CELF1: variants seen among roughly 807,000 people sequenced by gnomAD.
The protein encoded by CELF1 is CUGBP Elav-like family member 1, also known as 50 kDa nuclear polyadenylated RNA-binding protein.
Under a neutral mutation model 61.8 loss-of-function variants are expected in CELF1, and 10 were observed. The ratio of observed to expected loss-of-function variants is 0.16; its 90% CI spans 0.10 to 0.27. CELF1 has a LOEUF of 0.27. CELF1 is among the 10% of genes least tolerant of loss of function. The pLI is 1.00. For missense variants in CELF1, 380 were observed against 639.1 expected (o/e 0.59, Z 4.37); for synonymous variants, 236 against 225.1 (o/e 1.05, Z -0.43).
chr11:47,501,663 A>T (rs1000300001), intron 1 of CELF1, among the ~76,000 whole-genome samples: 17 of 145,226 alleles, frequency 1.2e-4, no homozygotes, highest in East Asian at 9.8e-4. Flanking sequence ...AAAAAATATC[A>T]AAAAAAAAAA....
intron 1 of CELF1, among the ~76,000 whole-genome samples, chr11:47,528,928 TTTA>T (rs911641737): frequency 2.3e-4 from 35 of 151,916 alleles, no homozygotes; most frequent in Non-Finnish European, 3.2e-4. Context: ...AGCTTTTACT[TTTA>T]TATCTGTCTC....
At chr11:47,475,145 A>G (rs1404340022) in intron 13 of CELF1, among the ~76,000 whole-genome samples, 191 bp downstream of exon 13, 1 of 152,228 alleles carries the variant, frequency 6.6e-6, no homozygotes, top group Non-Finnish European at 1.5e-5. Context: ...TTCTGATTTG[A>G]GCCACATCCA....
intron 1 of CELF1, among the ~76,000 whole-genome samples, chr11:47,515,919 C>T (rs1006795905): frequency 1.7e-4 from 26 of 152,146 alleles, no homozygotes; most frequent in African/African-American, 6.0e-4. Context: ...TTATTATTTA[C>T]TTATTTATTT....
chr11:47,550,287 T>G (rs1315813385), intron 1 of CELF1, among the ~76,000 whole-genome samples: 2 of 151,516 alleles, frequency 1.3e-5, no homozygotes, highest in African/African-American at 4.8e-5. Flanking sequence ...TCCTAGTACT[T>G]TGGGAGGCTG....
At chr11:47,487,725 T>C (rs553163165) in intron 4 of CELF1, among the ~76,000 whole-genome samples, 41 of 152,376 alleles carry the variant, frequency 2.7e-4, no homozygotes, top group South Asian at 6.2e-4. Flanking sequence ...ACTTATTAAA[T>C]TATAAAATGA....
intron 4 of CELF1, 27 bp from the exon 5 acceptor site, chr11:47,487,268 C>A: frequency 1.3e-6 from 2 of 1,571,984 alleles, no homozygotes; most frequent in South Asian, 2.2e-5. Flanking sequence ...TTCATAAAAT[C>A]AAACTTTGGA....
At position 47,469,043 on chromosome 11, in the gene CELF1, T is replaced by C. The variant is rs999991162; in HGVS notation, c.*3187A>G. ...GGGGTTGGGTAATGACAGGGAACTT[T>C]TGCACATGCTAACAATGGACACAGG... On this transcript the variant is annotated 3_prime_UTR_variant, in exon 15 of 15. Coordinates refer to ENST00000687097, the MANE Select transcript of CELF1 (RefSeq NM_001376376.1). The C allele has an allele frequency of 6.6e-6, 1 of 152,204 alleles. No individual in the cohort carries two copies. Among genetic ancestry groups the C allele is most frequent in the African/African-American group, 2.4e-5 (1 of 41,420 alleles). The allele number at this position is 152,204 out of a possible 1,614,324, so 9.4% of individuals were successfully genotyped here. A position where few individuals can be genotyped will look rare whatever the true frequency, so the allele number is the denominator to read the frequency against.
At chr11:47,518,642 C>G (rs930360390) in intron 1 of CELF1, among the ~76,000 whole-genome samples, 2 of 152,190 alleles carry the variant, frequency 1.3e-5, no homozygotes, top group Non-Finnish European at 2.9e-5. Flanking sequence ...GGTTTAGATG[C>G]AATTGCAAGC....
Position 47,484,599 on chromosome 11 carries a change from C to T in CELF1, c.392-76G>A, listed in dbSNP as rs147324067. The T allele has an allele frequency of 2.1e-3, 2,763 of 1,341,534 alleles. 7 individuals carry two copies. Among genetic ancestry groups the T allele is most frequent in the Middle Eastern group, 9.6e-3 (51 of 5,306 alleles). 83.1% of individuals were successfully genotyped at this position (1,341,534 alleles called of 1,614,324 possible). A position where few individuals can be genotyped will look rare whatever the true frequency, so the allele number is the denominator to read the frequency against. On this transcript the variant is annotated intron_variant, in intron 6 of 14. Transcript: ENST00000687097. ...TGTGGCACAGATTTGGGAGCCAGACCGCCTGGGTTTGAATCCTGGCTCTGT... is the reference window on the plus strand; with the variant it reads ...TGTGGCACAGATTTGGGAGCCAGACTGCCTGGGTTTGAATCCTGGCTCTGT...
intron 3 of CELF1, among the ~76,000 whole-genome samples, chr11:47,498,627 G>A (rs2093499903): frequency 6.6e-6 from 1 of 152,138 alleles, no homozygotes; most frequent in Non-Finnish European, 1.5e-5. Context: ...CTCATTTGCT[G>A]GAGGTTCCAA....
At chr11:47,509,798 G>C (rs2094913110) in intron 1 of CELF1, among the ~76,000 whole-genome samples, 1 of 151,968 alleles carries the variant, frequency 6.6e-6, no homozygotes, top group South Asian at 2.1e-4. Flanking sequence ...AGGCTGAGGT[G>C]GGCGGGTCAC....
chr11:47,535,238 A>G (rs1196605930), intron 1 of CELF1, among the ~76,000 whole-genome samples: 2 of 152,176 alleles, frequency 1.3e-5, no homozygotes, highest in Non-Finnish European at 1.5e-5. Flanking sequence ...ACCTAAATAT[A>G]AATTCCATTT....
chr11:47,526,104 C>T (rs1301739640), intron 1 of CELF1, among the ~76,000 whole-genome samples: 2 of 151,944 alleles, frequency 1.3e-5, no homozygotes, highest in Admixed American at 6.6e-5. Flanking sequence ...CCAAGGTGGG[C>T]AGATCACCTC....
intron 1 of CELF1, among the ~76,000 whole-genome samples, chr11:47,545,867 CTGCG>C (rs1555191591): frequency 0.42 from 51,403 of 121,028 alleles, 11,057 homozygotes; most frequent in Middle Eastern, 0.48. Flanking sequence ...GTGTGTGTGT[CTGCG>C]TGTGTGTGTG....
intron 1 of CELF1, among the ~76,000 whole-genome samples, chr11:47,509,099 G>A (rs2094826081): frequency 6.6e-6 from 1 of 152,100 alleles, no homozygotes; most frequent in Non-Finnish European, 1.5e-5. Flanking sequence ...TTAAAGCTTT[G>A]TCTTCCCAGT....
chr11:47,550,765 G>T (rs2097118910), intron 1 of CELF1, among the ~76,000 whole-genome samples: 2 of 151,788 alleles, frequency 1.3e-5, no homozygotes, highest in Admixed American at 1.3e-4. Flanking sequence ...AATCATTTTG[G>T]CTAAAAACTT....
At chr11:47,506,119 G>C (rs1191762659) in intron 1 of CELF1, among the ~76,000 whole-genome samples, 1 of 149,604 alleles carries the variant, frequency 6.7e-6, no homozygotes, top group Non-Finnish European at 1.5e-5. Flanking sequence ...AATGATAGCC[G>C]ATGAGTTAAA....
intron 1 of CELF1, among the ~76,000 whole-genome samples, chr11:47,522,077 A>T (rs1215639268): frequency 6.6e-6 from 1 of 151,938 alleles, no homozygotes; most frequent in Admixed American, 6.6e-5. Flanking sequence ...AGCCTGGCTG[A>T]TTTTTTTGTA....
At chr11:47,507,225 A>T (rs1264574605) in intron 1 of CELF1, among the ~76,000 whole-genome samples, 1 of 152,228 alleles carries the variant, frequency 6.6e-6, no homozygotes, top group Non-Finnish European at 1.5e-5. Context: ...CATCTAGGTC[A>T]CCAAAACAAT....
Sources: gnomAD v4.1 joint callset for allele counts (sites outside exome capture counted in the v4.1 genomes callset) on GRCh38, gnomAD v4.1.1 for gene constraint, MANE v1.5 for transcripts, NCBI Gene and HGNC (gene_info 2026-07-23, HGNC 2026-07-21) for gene names.